The following CNTN5 variants were observed in gnomAD, a reference collection of about 807,000 sequenced individuals.
CNTN5 encodes the protein contactin 5.
In CNTN5, 77 loss-of-function variants were observed where a neutral mutation model predicts 129.1. The ratio of observed to expected loss-of-function variants is 0.60; its 90% confidence interval spans 0.50 to 0.72. The LOEUF is 0.72. CNTN5 is among the 30% of genes least tolerant of loss of function. The pLI is 0.00. For synonymous variants in CNTN5, 509 were observed against 465.6 expected, an observed-to-expected ratio of 1.09 and a Z score of -1.20; for missense variants, 1,478 against 1,328.8, an observed-to-expected ratio of 1.11 and a Z score of -1.75.
intron 3 of CNTN5, among the ~76,000 whole-genome samples, chr11:99,775,836 T>C (rs1477358940): frequency 6.6e-6 from 1 of 151,884 alleles, no homozygotes. Context: ...GCGTTCCCAT[T>C]TAAAAAAATT....
intron 9 of CNTN5, among the ~76,000 whole-genome samples, chr11:100,046,101 C>T (rs1282683323): frequency 3.1e-5 from 4 of 129,506 alleles, no homozygotes; most frequent in Non-Finnish European, 6.1e-5. Context: ...AACACATGGA[C>T]ACAGGAAGGG....
Position 100,070,570 on chromosome 11 carries a change from G to T in CNTN5, c.1299+10G>T, listed in dbSNP as rs200690631. 34 of 1,612,098 alleles carry T rather than the reference G, an allele frequency of 2.1e-5. No homozygotes were observed. The highest frequency in any genetic ancestry group is 3.4e-6 in the Non-Finnish European group (4 of 1,178,922). On this transcript the variant is annotated intron_variant, in intron 11 of 24. Coordinates refer to ENST00000524871, the MANE Select transcript of CNTN5 (RefSeq NM_014361.4). ...ACCCCTCTCACCTCAGGTACTGTTGGGAGTTATTAACCTGTTCTGCTGTAA... is the reference window on the plus strand; with the variant it reads ...ACCCCTCTCACCTCAGGTACTGTTGTGAGTTATTAACCTGTTCTGCTGTAA...
At chr11:100,337,157 T>C (rs918852930) in intron 21 of CNTN5, 24 of 1,432,288 alleles carry the variant, frequency 1.7e-5, no homozygotes, top group Admixed American at 3.4e-5. Flanking sequence ...GCTGCACCCA[T>C]GAATGTTCAC....
At chr11:99,964,687 G>A (rs903853360) in intron 8 of CNTN5, among the ~76,000 whole-genome samples, 3 of 152,162 alleles carry the variant, frequency 2.0e-5, no homozygotes, top group Non-Finnish European at 4.4e-5. Context: ...ATGAGTTAGG[G>A]AGGATTCCCT....
chr11:99,210,773 G>C (rs1859733767), intron 1 of CNTN5, among the ~76,000 whole-genome samples: 1 of 151,836 alleles, frequency 6.6e-6, no homozygotes. Flanking sequence ...GTTATTTCTT[G>C]GACAGCTTTT....
intron 1 of CNTN5, among the ~76,000 whole-genome samples, chr11:99,044,206 A>G (rs180838661): frequency 3.3e-5 from 5 of 152,312 alleles, no homozygotes; most frequent in Admixed American, 3.3e-4. Context: ...ACAAGAATAT[A>G]TATAGTAGCC....
At chr11:99,969,063 A>C (rs1951177902) in intron 8 of CNTN5, among the ~76,000 whole-genome samples, 1 of 152,152 alleles carries the variant, frequency 6.6e-6, no homozygotes, top group South Asian at 2.1e-4. Context: ...CTTGGCAATC[A>C]GTCATTCCAT....
chr11:100,338,338 AG>A (rs987950820), intron 21 of CNTN5, among the ~76,000 whole-genome samples: 6 of 152,202 alleles, frequency 3.9e-5, no homozygotes, highest in African/African-American at 1.4e-4. Flanking sequence ...GACATGTTCC[AG>A]AATGTCTCCA....
At chr11:100,324,556 A>G (rs536811498) in intron 21 of CNTN5, among the ~76,000 whole-genome samples, 1 of 152,172 alleles carries the variant, frequency 6.6e-6, no homozygotes, top group Non-Finnish European at 1.5e-5. Flanking sequence ...TTATAATTAA[A>G]TGCTCTTAGA....
intron 3 of CNTN5, among the ~76,000 whole-genome samples, chr11:99,733,101 G>A (rs1239827996): frequency 6.6e-6 from 1 of 152,012 alleles, no homozygotes; most frequent in Non-Finnish European, 1.5e-5. Flanking sequence ...CGAGGTGCAT[G>A]GATCACAAGG....
At chr11:99,108,386 G>A (rs531943395) in intron 1 of CNTN5, among the ~76,000 whole-genome samples, 1 of 152,244 alleles carries the variant, frequency 6.6e-6, no homozygotes, top group South Asian at 2.1e-4. Context: ...CACAGCCATA[G>A]GAACGTTGAC....
At chr11:100,267,306 G>C (rs1415523710) in intron 17 of CNTN5, among the ~76,000 whole-genome samples, 1 of 150,724 alleles carries the variant, frequency 6.6e-6, no homozygotes, top group Non-Finnish European at 1.5e-5. Flanking sequence ...GAGAGAGTGA[G>C]CAAGCTCAAG....
chr11:100,301,224 G>A (rs985965905), intron 20 of CNTN5, among the ~76,000 whole-genome samples: 8 of 151,582 alleles, frequency 5.3e-5, no homozygotes, highest in Non-Finnish European at 7.4e-5. Context: ...ACCAAAGGTC[G>A]CATGAGAGAT....
At chr11:99,434,796 T>C (rs1442619983) in intron 2 of CNTN5, among the ~76,000 whole-genome samples, 3 of 152,166 alleles carry the variant, frequency 2.0e-5, no homozygotes, top group Admixed American at 2.0e-4. Flanking sequence ...AATATGAATA[T>C]ATTTAGAAGA....
chr11:99,456,851 G>A lies in CNTN5; in HGVS notation c.-70-99294G>A, dbSNP rs569575650. On this transcript the variant is annotated intron_variant, in intron 2 of 24. Transcript: ENST00000524871. ...AAAGTTGCAAGAACTAAATTTTAGG[G>A]CACATTCTCAAAGAATATGACTAGA... 2.0e-5 allele frequency among the ~76,000 whole-genome samples: 3 copies of A among 152,018 alleles called. No individual in the cohort carries two copies. In the South Asian group the frequency reaches 6.2e-4, roughly 32 times the overall value.
At chr11:99,943,345 T>C (rs1311161509) in intron 7 of CNTN5, among the ~76,000 whole-genome samples, 3 of 152,170 alleles carry the variant, frequency 2.0e-5, no homozygotes, top group Non-Finnish European at 4.4e-5. Context: ...TTCTGAGAAG[T>C]GTTTGTTCAT....
At position 99,747,112 on chromosome 11, in the gene CNTN5, G is replaced by C. The variant is rs960375633; in HGVS notation, c.56-72432G>C. ...CAATTTCTTTCATCAATGTATTGTA[G>C]TTTCAGTGTACAGATATTTTGCCCC... On this transcript the variant is annotated intron_variant, in intron 3 of 24. Coordinates refer to ENST00000524871, the MANE Select transcript of CNTN5 (RefSeq NM_014361.4). Among the ~76,000 whole-genome samples the C allele has an allele frequency of 2.0e-5, 3 of 152,076 alleles. No individual in the cohort carries two copies. In the South Asian group the frequency reaches 6.2e-4, roughly 31 times the overall value.
chr11:99,541,095 A>C (rs1948090075), intron 2 of CNTN5, among the ~76,000 whole-genome samples: 1 of 152,150 alleles, frequency 6.6e-6, no homozygotes, highest in Non-Finnish European at 1.5e-5. Context: ...CCCTATATGA[A>C]GAATCGTAAC....
At chr11:100,067,850 A>G (rs536771087) in intron 10 of CNTN5, among the ~76,000 whole-genome samples, 178 of 152,232 alleles carry the variant, frequency 1.2e-3, no homozygotes, top group African/African-American at 4.2e-3. Flanking sequence ...AATCTAAAGA[A>G]AGGAAGGAAA....
Sources: gnomAD v4.1 joint callset for allele counts (sites outside exome capture counted in the v4.1 genomes callset) on GRCh38, gnomAD v4.1.1 for gene constraint, MANE v1.5 for transcripts, NCBI Gene and HGNC (gene_info 2026-07-23, HGNC 2026-07-21) for gene names.